Variants in MRPS9 observed in about 807,000 individuals in gnomAD.
The protein encoded by MRPS9 is mitochondrial ribosomal protein S9.
A neutral mutation model predicts 59.9 loss-of-function variants in MRPS9; 45 were observed. The ratio of observed to expected loss-of-function variants is 0.75; its 90% CI spans 0.59 to 0.96. The LOEUF is 0.96. Ranked by LOEUF, MRPS9 falls within the 40% of genes least tolerant of loss-of-function variation. MRPS9 has a pLI of 0.00. For missense variants in MRPS9, 473 were observed against 481.1 expected (o/e 0.98, Z 0.16); for synonymous variants, 171 against 166.8 (o/e 1.03, Z -0.19).
At position 105,084,247 on chromosome 2, in the gene MRPS9, A is replaced by AATATATATATATAT. The variant is rs58438490; in HGVS notation, c.489+4194_489+4207dup. Among the ~76,000 whole-genome samples the AATATATATATATAT allele has an allele frequency of 3.4e-4, 47 of 139,600 alleles. 1 individual carries two copies. The highest frequency in any genetic ancestry group is 1.9e-3 in the East Asian group (8 of 4,170). 91.6% of individuals were successfully genotyped at this position (139,600 alleles called of 152,430 possible). ...TGGCCACAGATGAAATATATACCAA[A>AATATATATATATAT]ATATATATATATATATATATATGTA... On this transcript the variant is annotated intron_variant, in intron 5 of 10. Coordinates refer to ENST00000258455, the MANE Select transcript of MRPS9 (RefSeq NM_182640.3).
At chr2:105,089,576 A>G (rs1680517402) in intron 6 of MRPS9, among the ~76,000 whole-genome samples, 1 of 152,218 alleles carries the variant, frequency 6.6e-6, no homozygotes, top group African/African-American at 2.4e-5. Flanking sequence ...TTGCTACCAC[A>G]TTAGTCTATT....
rs965427699 is a variant in MRPS9 at position 105,042,333 on chromosome 2, T to C, written c.135+4106T>C. On this transcript the variant is annotated intron_variant, in intron 1 of 10. Coordinates refer to ENST00000258455, the MANE Select transcript of MRPS9 (RefSeq NM_182640.3). ...CGGGCTGAAGGCCCCAGGTCCTTGCTGGCTGTTGGCCAGAGCCCTCCCTCA... is the reference window on the plus strand; with the variant it reads ...CGGGCTGAAGGCCCCAGGTCCTTGCCGGCTGTTGGCCAGAGCCCTCCCTCA... Among the ~76,000 whole-genome samples the C allele has an allele frequency of 5.9e-5, 9 of 152,264 alleles. 1 individual carries two copies. Among genetic ancestry groups the C allele is most frequent in the Admixed American group, 2.0e-4 (3 of 15,292 alleles).
At chr2:105,094,072 T>C (rs1032043218) in intron 9 of MRPS9, among the ~76,000 whole-genome samples, 4 of 152,216 alleles carry the variant, frequency 2.6e-5, no homozygotes, top group African/African-American at 9.6e-5. Context: ...GTGCAAGTAA[T>C]TTCTTGTGGC....
chr2:105,054,179 C>T (rs1679759779), intron 2 of MRPS9, among the ~76,000 whole-genome samples: 1 of 152,194 alleles, frequency 6.6e-6, no homozygotes, highest in African/African-American at 2.4e-5. Context: ...ACCGACTTGT[C>T]TACCTCAGAA....
chr2:105,038,951 C>A (rs1383110532), intron 1 of MRPS9, among the ~76,000 whole-genome samples: 1 of 152,116 alleles, frequency 6.6e-6, no homozygotes, highest in African/African-American at 2.4e-5. Context: ...GAACTGATTT[C>A]GAAATGCCCT....
chr2:105,087,297 C>T (rs1176860972), intron 5 of MRPS9, among the ~76,000 whole-genome samples: 1 of 152,156 alleles, frequency 6.6e-6, no homozygotes, highest in Non-Finnish European at 1.5e-5. Context: ...GTTGTAGGGA[C>T]ATTTCCACTT....
intron 4 of MRPS9, among the ~76,000 whole-genome samples, chr2:105,075,431 G>A (rs1364935544): frequency 2.6e-5 from 4 of 152,202 alleles, no homozygotes; most frequent in Non-Finnish European, 5.9e-5. Flanking sequence ...TTATAAAGGA[G>A]CGCCAAAGGT....
chr2:105,073,824 C>T (rs976190771), intron 4 of MRPS9, among the ~76,000 whole-genome samples: 2 of 152,164 alleles, frequency 1.3e-5, no homozygotes, highest in African/African-American at 4.8e-5. Context: ...TGACCACAAA[C>T]CTTTTTGCAC....
intron 9 of MRPS9, among the ~76,000 whole-genome samples, chr2:105,096,900 G>C (rs77781257): frequency 0.018 from 2,696 of 152,240 alleles, 81 homozygotes; most frequent in African/African-American, 0.062. Flanking sequence ...CTGAGATAAA[G>C]GGGATCAGCA....
In MRPS9 at chr2:105,089,967, T is replaced by C; in HGVS notation, c.623T>C (p.Met208Thr). Residue 208 changes from methionine to threonine, a missense_variant, in exon 7 of 11, where the codon ATG (methionine) becomes ACG (threonine). By Grantham distance (81) the Met-to-Thr change is moderately conservative. Coordinates refer to ENST00000258455, the MANE Select transcript of MRPS9 (RefSeq NM_182640.3). ...RWLIKEELEE[M>T]LVEKLSDLDY... ...CTGATTAAGGAGGAACTAGAAGAAATGTTAGTGGAAAAACTGTCAGATCTA... is the reference window on the plus strand; with the variant it reads ...CTGATTAAGGAGGAACTAGAAGAAACGTTAGTGGAAAAACTGTCAGATCTA... 6.2e-7 allele frequency: 1 copy of C among 1,610,058 alleles called. No homozygotes were observed. The highest frequency in any genetic ancestry group is 8.5e-7 in the Non-Finnish European group (1 of 1,177,378).
intron 2 of MRPS9, among the ~76,000 whole-genome samples, chr2:105,056,337 C>T (rs932663968): frequency 2.0e-5 from 3 of 152,062 alleles, no homozygotes; most frequent in Non-Finnish European, 4.4e-5. Flanking sequence ...TTTAACCTTA[C>T]AGTGCTTTAG....
At chr2:105,067,879 G>A (rs2104452487) in intron 2 of MRPS9, among the ~76,000 whole-genome samples, 1 of 152,186 alleles carries the variant, frequency 6.6e-6, no homozygotes, top group East Asian at 1.9e-4. Context: ...CCAGGCTATA[G>A]TGTAGTGATG....
intron 2 of MRPS9, among the ~76,000 whole-genome samples, chr2:105,058,607 T>C (rs1307464807): frequency 6.6e-6 from 1 of 152,216 alleles, no homozygotes; most frequent in Non-Finnish European, 1.5e-5. Context: ...ACTTTTTCTT[T>C]CTTTTCTCTC....
At chr2:105,078,428 G>A (rs908081880) in intron 4 of MRPS9, among the ~76,000 whole-genome samples, 1 of 151,824 alleles carries the variant, frequency 6.6e-6, no homozygotes, top group Non-Finnish European at 1.5e-5. Flanking sequence ...AGTCTTGTCT[G>A]CAGCCATGAT....
At chr2:105,060,085 T>G (rs1406845146) in intron 2 of MRPS9, among the ~76,000 whole-genome samples, 1 of 151,264 alleles carries the variant, frequency 6.6e-6, no homozygotes, top group African/African-American at 2.4e-5. Context: ...TGGTTCTCAT[T>G]TTCTTTTCTT....
intron 2 of MRPS9, among the ~76,000 whole-genome samples, chr2:105,067,421 TAGTC>T (rs1366869614): frequency 5.9e-5 from 9 of 152,184 alleles, no homozygotes; most frequent in African/African-American, 9.7e-5. Flanking sequence ...GAGAGGTACA[TAGTC>T]AGTTTGTCCT....
intron 1 of MRPS9, among the ~76,000 whole-genome samples, chr2:105,038,688 A>G (rs1266200843): frequency 2.0e-5 from 3 of 152,114 alleles, no homozygotes; most frequent in African/African-American, 7.2e-5. Context: ...AATATGCGCA[A>G]TTTCTGGCTT....
chr2:105,056,284 T>A (rs1229897234), intron 2 of MRPS9, among the ~76,000 whole-genome samples: 2 of 152,102 alleles, frequency 1.3e-5, no homozygotes, highest in East Asian at 3.9e-4. Context: ...TAAAATAAAT[T>A]TCAGTCTCCC....
intron 9 of MRPS9, among the ~76,000 whole-genome samples, chr2:105,095,427 A>G (rs1343048743): frequency 6.6e-6 from 1 of 151,908 alleles, no homozygotes; most frequent in African/African-American, 2.4e-5. Flanking sequence ...TATATAACTG[A>G]GTCATGGAGC....
Sources: gnomAD v4.1 joint callset for allele counts (sites outside exome capture counted in the v4.1 genomes callset) on GRCh38, gnomAD v4.1.1 for gene constraint, MANE v1.5 for transcripts, NCBI Gene and HGNC (gene_info 2026-07-23, HGNC 2026-07-21) for gene names.